SLC39A14: variants seen among roughly 807,000 people sequenced by gnomAD.
The protein encoded by SLC39A14 is solute carrier family 39 member 14, also known as metal cation symporter ZIP14.
Under a neutral mutation model 45.5 loss-of-function variants are expected in SLC39A14, and 19 were observed. That is an observed-to-expected ratio of 0.42 (90% confidence interval 0.29 to 0.61). SLC39A14 has a LOEUF of 0.61. Ranked by LOEUF, SLC39A14 falls within the 20% of genes least tolerant of loss-of-function variation. The probability of loss-of-function intolerance (pLI) is 0.22; values close to 1 mark genes in which losing one functional copy is unlikely to be tolerated. For synonymous variants in SLC39A14, 264 were observed against 251.3 expected, an observed-to-expected ratio of 1.05 and a Z score of -0.48; for missense variants, 447 against 616.5, an observed-to-expected ratio of 0.73 and a Z score of 2.91.
At chr8:22,383,819 G>A (rs928665978) in intron 1 of SLC39A14, among the ~76,000 whole-genome samples, 2 of 152,130 alleles carry the variant, frequency 1.3e-5, no homozygotes, top group Admixed American at 6.5e-5. Context: ...AATGCTGACC[G>A]TTTCTCCAGG....
intron 1 of SLC39A14, among the ~76,000 whole-genome samples, chr8:22,381,464 G>C (rs1364889991): frequency 6.6e-6 from 1 of 150,862 alleles, no homozygotes; most frequent in Non-Finnish European, 1.5e-5. Context: ...TAGAGATGGG[G>C]TTTCACCGAG....
chr8:22,389,226 G>GTT (rs1007905086), intron 1 of SLC39A14, among the ~76,000 whole-genome samples: 1 of 152,184 alleles, frequency 6.6e-6, no homozygotes, highest in Non-Finnish European at 1.5e-5. Context: ...GATTTAGTGG[G>GTT]TTATGGGGGG....
chr8:22,403,909 G>A (rs1019599847), intron 1 of SLC39A14, among the ~76,000 whole-genome samples: 1 of 129,790 alleles, frequency 7.7e-6, no homozygotes, highest in Non-Finnish European at 1.6e-5. Flanking sequence ...CAGAAAGACT[G>A]TCTCAAAAAC....
Position 22,408,431 on chromosome 8 carries a change from C to A in SLC39A14, c.392C>A (p.Thr131Asn), listed in dbSNP as rs186225449. The change falls in exon 3 of 9, where the codon ACC (threonine) becomes AAC (asparagine). Residue 131 changes from threonine to asparagine, a missense_variant. Physicochemically the swap from Thr to Asn is moderately conservative, Grantham distance 65. Around this residue, in one of 2 missense-constraint regions of SLC39A14, gnomAD observed 342 missense variants for 428.1 expected, o/e 0.80. Transcript: ENST00000381237. Reference protein sequence around the residue: ...ILQQLDSRACTSENQENEENE... With the variant: ...ILQQLDSRACNSENQENEENE... ...CAGCAGCTGGATTCCCGGGCCTGCA[C>A]CTCGGAGAACCAGGAAAACGAGGAG... 1.2e-5 allele frequency: 20 copies of A among 1,614,194 alleles called. No individual in the cohort carries two copies. In the South Asian group the frequency reaches 1.9e-4, roughly 15 times the overall value.
intron 8 of SLC39A14, chr8:22,433,873 T>A (rs1383533198): frequency 3.0e-6 from 1 of 329,588 alleles, no homozygotes; most frequent in Non-Finnish European, 6.2e-6. Context: ...GTTTATGTTT[T>A]TGTTTTTGTT....
intron 1 of SLC39A14, among the ~76,000 whole-genome samples, chr8:22,368,095 A>G (rs1832734035): frequency 6.6e-6 from 1 of 152,062 alleles, no homozygotes; most frequent in Non-Finnish European, 1.5e-5. Flanking sequence ...ACTTTTGAGG[A>G]TCTGGTGCTT....
At chr8:22,372,804 AAAG>A (rs777720881) in intron 1 of SLC39A14, among the ~76,000 whole-genome samples, 4 of 152,176 alleles carry the variant, frequency 2.6e-5, no homozygotes, top group Non-Finnish European at 5.9e-5. Flanking sequence ...AAAACTAAGT[AAAG>A]AAAAATTTTT....
At chr8:22,399,253 C>T (rs769256099) in intron 1 of SLC39A14, among the ~76,000 whole-genome samples, 1 of 152,214 alleles carries the variant, frequency 6.6e-6, no homozygotes, top group Non-Finnish European at 1.5e-5. Context: ...CCTCCCCGTC[C>T]CAGCGGCGTC....
intron 1 of SLC39A14, among the ~76,000 whole-genome samples, chr8:22,399,474 A>G (rs1046941800): frequency 6.6e-6 from 1 of 152,184 alleles, no homozygotes; most frequent in African/African-American, 2.4e-5. Context: ...GGGTGAGTGC[A>G]TGTCTCAAGC....
chr8:22,409,931 C>G, intron 3 of SLC39A14: 3 of 1,613,714 alleles, frequency 1.9e-6, no homozygotes, highest in Non-Finnish European at 2.5e-6. Context: ...CTCGTCTGTT[C>G]TTGTTCCTCC....
chr8:22,421,378 C>G lies in SLC39A14; in HGVS notation c.*1680C>G. On this transcript the variant is annotated 3_prime_UTR_variant, in exon 9 of 9. Transcript: ENST00000381237. Reference sequence around the variant, plus strand: ...TGAGCAGGAAAAACTGCTGGTGATACTTTTTTTAAGTTTTGTTTTTATCTT... The same window carrying G: ...TGAGCAGGAAAAACTGCTGGTGATAGTTTTTTTAAGTTTTGTTTTTATCTT... 1 of 985,784 alleles carries G rather than the reference C, an allele frequency of 1.0e-6. No homozygotes were observed. The highest frequency in any genetic ancestry group is 1.2e-6 in the Non-Finnish European group (1 of 829,914). The allele number at this position is 985,784 out of a possible 1,614,324, so 61.1% of individuals were successfully genotyped here.
intron 1 of SLC39A14, among the ~76,000 whole-genome samples, chr8:22,383,050 T>A (rs1186352180): frequency 6.6e-6 from 1 of 152,068 alleles, no homozygotes; most frequent in Non-Finnish European, 1.5e-5. Flanking sequence ...AGGATAGGGA[T>A]CCTTGTCCAT....
chr8:22,428,775 G>A (rs1380168641), intron 8 of SLC39A14, among the ~76,000 whole-genome samples: 1 of 152,054 alleles, frequency 6.6e-6, no homozygotes, highest in Non-Finnish European at 1.5e-5. Context: ...TGTTTGAAAT[G>A]GAGGCTGACT....
At chr8:22,373,958 C>T (rs1833071649) in intron 1 of SLC39A14, among the ~76,000 whole-genome samples, 1 of 152,174 alleles carries the variant, frequency 6.6e-6, no homozygotes, top group Non-Finnish European at 1.5e-5. Context: ...TGGGGTTTCG[C>T]CATGGTGGCC....
At chr8:22,372,557 A>G (rs529540175) in intron 1 of SLC39A14, among the ~76,000 whole-genome samples, 2 of 152,322 alleles carry the variant, frequency 1.3e-5, no homozygotes, top group East Asian at 1.9e-4. Context: ...TAAATCTGTT[A>G]ATTAGCTTTC....
At chr8:22,375,493 T>G (rs1833166318) in intron 1 of SLC39A14, among the ~76,000 whole-genome samples, 1 of 149,384 alleles carries the variant, frequency 6.7e-6, no homozygotes. Context: ...GGCTGTATCT[T>G]TTTTTTTTTT....
intron 1 of SLC39A14, among the ~76,000 whole-genome samples, chr8:22,385,773 G>C (rs2132219256): frequency 6.6e-6 from 1 of 152,202 alleles, no homozygotes; most frequent in African/African-American, 2.4e-5. Context: ...GAGGTGGGGG[G>C]ATTGTTTGAG....
rs183922065 is a variant in SLC39A14 at position 22,386,527 on chromosome 8, G to C, written c.-15-18169G>C. ...GGTGATCCACCTGCCTCGGCCTCCC[G>C]AAGTGCTAGGATTACAGGCGTAAGC... On this transcript the variant is annotated intron_variant, in intron 1 of 8. Coordinates refer to ENST00000381237, the MANE Select transcript of SLC39A14 (RefSeq NM_001128431.4). Among the ~76,000 whole-genome samples, 681 of 152,130 alleles carry C rather than the reference G, an allele frequency of 4.5e-3. 5 individuals are homozygous for C. The highest frequency in any genetic ancestry group is 0.016 in the African/African-American group (659 of 41,522).
chr8:22,396,591 A>G (rs1834490195), intron 1 of SLC39A14, among the ~76,000 whole-genome samples: 1 of 95,868 alleles, frequency 1.0e-5, no homozygotes, highest in Non-Finnish European at 2.1e-5. Flanking sequence ...AGAGAGAGAG[A>G]GAGAGAGAAG....
Sources: allele counts gnomAD v4.1 joint callset (sites outside exome capture counted in the v4.1 genomes callset), GRCh38; gene constraint gnomAD v4.1.1; regional missense constraint gnomAD v4.1.1; transcripts MANE v1.5; gene names NCBI Gene and HGNC (gene_info 2026-07-23, HGNC 2026-07-21).